The following PDE4D variants were observed in gnomAD, a reference collection of about 807,000 sequenced individuals.
The protein encoded by PDE4D is phosphodiesterase 4D.
In PDE4D, 24 loss-of-function variants were observed where a neutral mutation model predicts 87.4. That is an observed-to-expected ratio of 0.27 (90% CI 0.20 to 0.39). The LOEUF (loss-of-function observed/expected upper bound fraction) is 0.39. Among genes scored for constraint, PDE4D ranks in the 10% least tolerant of loss-of-function variants. The probability of loss-of-function intolerance (pLI) is 1.00; values close to 1 mark genes in which losing one functional copy is unlikely to be tolerated. For missense variants in PDE4D, 714 were observed against 1,041.0 expected (o/e 0.69, Z 4.32); for synonymous variants, 384 against 383.2 (o/e 1.00, Z -0.02).
intron 1 of PDE4D, among the ~76,000 whole-genome samples, chr5:59,781,812 A>AAAAAAAAAAC (rs1764662539): frequency 6.6e-6 from 1 of 151,326 alleles, no homozygotes; most frequent in Non-Finnish European, 1.5e-5. Context: ...AAAAAAAAAA[A>AAAAAAAAAAC]AAATCAACTC....
chr5:60,334,681 C>G (rs1461135355), intron 1 of PDE4D, among the ~76,000 whole-genome samples: 1 of 151,954 alleles, frequency 6.6e-6, no homozygotes, highest in Non-Finnish European at 1.5e-5. Flanking sequence ...CCCCCGAGAG[C>G]TGCTGAGTCC....
intron 1 of PDE4D, among the ~76,000 whole-genome samples, chr5:59,605,718 T>C (rs1264261632): frequency 3.9e-5 from 6 of 152,108 alleles, no homozygotes; most frequent in Non-Finnish European, 7.4e-5. Flanking sequence ...ACAAAGACCA[T>C]GCTCCTGATA....
At chr5:59,406,792 T>C (rs756796192) in intron 1 of PDE4D, among the ~76,000 whole-genome samples, 17 of 152,234 alleles carry the variant, frequency 1.1e-4, no homozygotes, top group Non-Finnish European at 2.1e-4. Context: ...TAGTATCCTT[T>C]TGTTTCATTA....
At chr5:60,044,000 C>A (rs1768850495) in intron 2 of PDE4D, among the ~76,000 whole-genome samples, 1 of 152,092 alleles carries the variant, frequency 6.6e-6, no homozygotes, top group Non-Finnish European at 1.5e-5. Flanking sequence ...CCTTGTCCCT[C>A]CTTAGGTAAA....
chr5:60,392,982 C>A (rs1462130937), intron 1 of PDE4D, among the ~76,000 whole-genome samples: 1 of 152,176 alleles, frequency 6.6e-6, no homozygotes, highest in African/African-American at 2.4e-5. Flanking sequence ...GAAGGTGTAA[C>A]TATTGCTTCT....
Position 58,972,498 on chromosome 5 carries a change from A to C in PDE4D, c.*2166T>G, listed in dbSNP as rs1385400012. The C allele has an allele frequency of 6.6e-6, 1 of 152,284 alleles. No individual in the cohort carries two copies. Among genetic ancestry groups the C allele is most frequent in the African/African-American group, 2.4e-5 (1 of 41,462 alleles). 9.4% of individuals were successfully genotyped at this position (152,284 alleles called of 1,614,324 possible). A position where few individuals can be genotyped will look rare whatever the true frequency, so the allele number is the denominator to read the frequency against. Reference sequence around the variant, plus strand: ...ATGGGGACTCTCTTCAGCATGAGTCATTTGCCTGGCTGATGACTTACTTTC... The same window carrying C: ...ATGGGGACTCTCTTCAGCATGAGTCCTTTGCCTGGCTGATGACTTACTTTC... On this transcript the variant is annotated 3_prime_UTR_variant, in exon 15 of 15. Transcript: ENST00000340635.
At chr5:60,080,160 T>G (rs1356012059) in intron 2 of PDE4D, among the ~76,000 whole-genome samples, 1 of 152,228 alleles carries the variant, frequency 6.6e-6, no homozygotes, top group African/African-American at 2.4e-5. Flanking sequence ...AGTTCATTCA[T>G]GATTTGGCTT....
chr5:59,020,127 C>A (rs1754824183), intron 6 of PDE4D, among the ~76,000 whole-genome samples: 1 of 152,026 alleles, frequency 6.6e-6, no homozygotes, highest in Non-Finnish European at 1.5e-5. Flanking sequence ...GAAAAATGGA[C>A]AAGGATCAAA....
chr5:59,005,844 T>C (rs529075857), intron 6 of PDE4D, among the ~76,000 whole-genome samples: 1 of 152,218 alleles, frequency 6.6e-6, no homozygotes, highest in Non-Finnish European at 1.5e-5. Context: ...GTATGACAGC[T>C]CATCATATAA....
chr5:59,872,937 A>G (rs1284549269), intron 1 of PDE4D, among the ~76,000 whole-genome samples: 1 of 152,160 alleles, frequency 6.6e-6, no homozygotes, highest in Admixed American at 6.5e-5. Context: ...CTTAGATACA[A>G]CGAAACAATT....
intron 1 of PDE4D, among the ~76,000 whole-genome samples, chr5:59,877,130 G>T (rs6890468): frequency 2.0e-4 from 31 of 152,114 alleles, no homozygotes; most frequent in African/African-American, 7.0e-4. Flanking sequence ...TTCTTGTCAG[G>T]TGTGGGTCTT....
chr5:59,943,075 G>A (rs891850711), intron 3 of PDE4D, among the ~76,000 whole-genome samples: 3 of 152,060 alleles, frequency 2.0e-5, no homozygotes, highest in Non-Finnish European at 2.9e-5. Flanking sequence ...TGAGGTTTTT[G>A]TTTTGTTTGT....
chr5:59,768,588 G>C lies in PDE4D; in HGVS notation c.455+124580C>G, dbSNP rs990316453. 3 of 1,570,738 alleles carry C rather than the reference G, an allele frequency of 1.9e-6. No homozygotes were observed. The African/African-American group carries it at 4.0e-5, about 21-fold the overall frequency. On this transcript the variant is annotated intron_variant, in intron 1 of 14. Transcript: ENST00000340635. ...CGCTCACGGTCCCGGAAATGTCCAGGGAAGCAGGTCTGAGCCTGCTGCTGT... is the reference window on the plus strand; with the variant it reads ...CGCTCACGGTCCCGGAAATGTCCAGCGAAGCAGGTCTGAGCCTGCTGCTGT...
At chr5:59,323,763 T>C (rs542186847) in intron 1 of PDE4D, among the ~76,000 whole-genome samples, 2 of 151,784 alleles carry the variant, frequency 1.3e-5, no homozygotes, top group African/African-American at 4.8e-5. Flanking sequence ...TGCAATCCAA[T>C]TTCCCACAGC....
At chr5:60,153,769 A>G (rs1006871538) in intron 2 of PDE4D, among the ~76,000 whole-genome samples, 2 of 152,180 alleles carry the variant, frequency 1.3e-5, no homozygotes, top group African/African-American at 4.8e-5. Flanking sequence ...AGTTACAGGG[A>G]AAAAAACATG....
intron 1 of PDE4D, among the ~76,000 whole-genome samples, chr5:60,437,317 T>C (rs938873356): frequency 6.6e-6 from 1 of 152,110 alleles, no homozygotes; most frequent in Non-Finnish European, 1.5e-5. Context: ...TAAGTCTAAG[T>C]TTATTCATCT....
chr5:60,116,902 A>G (rs907707213), intron 2 of PDE4D, among the ~76,000 whole-genome samples: 1 of 152,116 alleles, frequency 6.6e-6, no homozygotes, highest in Non-Finnish European at 1.5e-5. Flanking sequence ...CCTTTGCAAC[A>G]ACCCATTCAA....
At chr5:60,471,532 G>T (rs575179766) in intron 1 of PDE4D, among the ~76,000 whole-genome samples, 1 of 152,198 alleles carries the variant, frequency 6.6e-6, no homozygotes, top group South Asian at 2.1e-4. Flanking sequence ...AGGAAGAGTC[G>T]ATTGATGTAG....
chr5:59,055,645 G>A (rs1762223838), intron 5 of PDE4D, among the ~76,000 whole-genome samples: 1 of 152,152 alleles, frequency 6.6e-6, no homozygotes, highest in Non-Finnish European at 1.5e-5. Flanking sequence ...GGGCAGGGAG[G>A]CCCTCCAGGG....
Sources: gnomAD v4.1 joint callset for allele counts (sites outside exome capture counted in the v4.1 genomes callset) on GRCh38, gnomAD v4.1.1 for gene constraint, MANE v1.5 for transcripts, NCBI Gene and HGNC (gene_info 2026-07-23, HGNC 2026-07-21) for gene names.